The following SCFD2 variants were observed in gnomAD, a reference collection of about 807,000 sequenced individuals.
SCFD2 encodes sec1 family domain containing 2, also known as sec1 family domain-containing protein 2.
A neutral mutation model predicts 58.9 loss-of-function variants in SCFD2; 54 were observed. The ratio of observed to expected loss-of-function variants is 0.92; its 90% CI spans 0.74 to 1.15. The LOEUF (loss-of-function observed/expected upper bound fraction) is 1.15. Among genes scored for constraint, SCFD2 ranks in the 50% most tolerant of loss-of-function variants. The probability of loss-of-function intolerance (pLI) is 0.00; values close to 1 mark genes in which losing one functional copy is unlikely to be tolerated. For missense variants in SCFD2, 805 were observed against 836.6 expected, an observed-to-expected ratio of 0.96 and a Z score of 0.47; for synonymous variants, 321 against 335.9, an observed-to-expected ratio of 0.96 and a Z score of 0.49.
chr4:53,103,903 A>AG (rs1194615038), intron 5 of SCFD2, among the ~76,000 whole-genome samples: 1 of 149,444 alleles, frequency 6.7e-6, no homozygotes, highest in African/African-American at 2.5e-5. Flanking sequence ...GAGCTAAAAA[A>AG]AAAAAAAAAA....
intron 5 of SCFD2, among the ~76,000 whole-genome samples, chr4:53,009,136 C>T (rs1722042464): frequency 6.6e-6 from 1 of 152,220 alleles, no homozygotes; most frequent in African/African-American, 2.4e-5. Flanking sequence ...TATTAGTCCT[C>T]TCTCACTATC....
chr4:53,190,418 C>T (rs1174786273), intron 4 of SCFD2, among the ~76,000 whole-genome samples: 1 of 152,130 alleles, frequency 6.6e-6, no homozygotes, highest in Non-Finnish European at 1.5e-5. Flanking sequence ...ATCTCGGGAC[C>T]TTTGTTTTTG....
intron 5 of SCFD2, among the ~76,000 whole-genome samples, chr4:53,090,927 G>T (rs1187943590): frequency 6.6e-6 from 1 of 152,106 alleles, no homozygotes; most frequent in South Asian, 2.1e-4. Flanking sequence ...TTACGTCCAA[G>T]AATTGATAAC....
Position 53,311,930 on chromosome 4 carries a change from G to A in SCFD2, c.1135+1706C>T, listed in dbSNP as rs566610240. 3.3e-5 allele frequency among the ~76,000 whole-genome samples: 5 copies of A among 152,006 alleles called. 1 individual carries two copies. The South Asian group carries it at 6.2e-4, about 19-fold the overall frequency. ...ATTATAGTCGAGAGCCACTGCGTCCGGCCGATTCACAATATTAATTAGTTC... is the reference window on the plus strand; with the variant it reads ...ATTATAGTCGAGAGCCACTGCGTCCAGCCGATTCACAATATTAATTAGTTC... On this transcript the variant is annotated intron_variant, in intron 3 of 8. Transcript: ENST00000401642.
At chr4:52,951,510 G>A (rs1282828705) in intron 5 of SCFD2, among the ~76,000 whole-genome samples, 1 of 152,212 alleles carries the variant, frequency 6.6e-6, no homozygotes, top group East Asian at 1.9e-4. Context: ...TTGGAAAGCT[G>A]TAATCGACTC....
intron 1 of SCFD2, among the ~76,000 whole-genome samples, chr4:53,353,409 T>G (rs1047632751): frequency 7.9e-5 from 12 of 152,294 alleles, no homozygotes; most frequent in African/African-American, 2.9e-4. Flanking sequence ...CAATATTTAT[T>G]GCAGAGAGCA....
chr4:53,271,405 T>C (rs1731162197), intron 4 of SCFD2, among the ~76,000 whole-genome samples: 1 of 151,900 alleles, frequency 6.6e-6, no homozygotes, highest in Admixed American at 6.6e-5. Flanking sequence ...TGATGTGGTT[T>C]AAAGGAATGA....
intron 5 of SCFD2, among the ~76,000 whole-genome samples, chr4:53,098,742 GCA>G (rs1158628480): frequency 1.3e-5 from 2 of 151,748 alleles, no homozygotes; most frequent in Non-Finnish European, 2.9e-5. Context: ...ATGTGTGTGT[GCA>G]CACACATACA....
intron 4 of SCFD2, among the ~76,000 whole-genome samples, chr4:53,211,171 G>T (rs1219530294): frequency 6.6e-6 from 1 of 151,844 alleles, no homozygotes; most frequent in African/African-American, 2.4e-5. Context: ...TGAACCCGGG[G>T]GGCGGAGGTT....
At chr4:53,094,686 G>T (rs1487625835) in intron 5 of SCFD2, among the ~76,000 whole-genome samples, 1 of 151,674 alleles carries the variant, frequency 6.6e-6, no homozygotes, top group Non-Finnish European at 1.5e-5. Context: ...ATTTTCATCA[G>T]TGTACAATGT....
At chr4:53,348,873 C>T (rs1364484928) in intron 2 of SCFD2, among the ~76,000 whole-genome samples, 1 of 151,984 alleles carries the variant, frequency 6.6e-6, no homozygotes, top group Non-Finnish European at 1.5e-5. Context: ...CGCCACCATG[C>T]CTGGCTAATT....
chr4:53,258,575 T>TAC (rs1333861238), intron 4 of SCFD2, among the ~76,000 whole-genome samples: 32 of 135,804 alleles, frequency 2.4e-4, no homozygotes, highest in Admixed American at 5.1e-4. Flanking sequence ...TATATATATA[T>TAC]ATACACACAC....
intron 5 of SCFD2, among the ~76,000 whole-genome samples, chr4:53,118,474 CAGAAAAA>C (rs1377934571): frequency 6.6e-6 from 1 of 152,020 alleles, no homozygotes; most frequent in Non-Finnish European, 1.5e-5. Flanking sequence ...ATATTTGTAT[CAGAAAAA>C]AAGTATTTTG....
intron 4 of SCFD2, among the ~76,000 whole-genome samples, chr4:53,222,200 C>G (rs760251339): frequency 2.6e-5 from 4 of 152,180 alleles, no homozygotes; most frequent in Non-Finnish European, 4.4e-5. Flanking sequence ...AAATTTTAAT[C>G]ATGTTCTAAA....
chr4:53,250,076 C>A (rs1560411069), intron 4 of SCFD2, among the ~76,000 whole-genome samples: 2 of 152,230 alleles, frequency 1.3e-5, no homozygotes, highest in South Asian at 2.1e-4. Flanking sequence ...CAGAGACACA[C>A]ATAGGCTCAA....
chr4:52,898,623 T>A (rs1719092644), intron 7 of SCFD2, among the ~76,000 whole-genome samples: 1 of 152,244 alleles, frequency 6.6e-6, no homozygotes, highest in Non-Finnish European at 1.5e-5. Context: ...AAAGAATGCA[T>A]ATTCTGTTGA....
intron 5 of SCFD2, among the ~76,000 whole-genome samples, chr4:52,969,036 C>G (rs950404210): frequency 1.2e-4 from 19 of 152,206 alleles, no homozygotes; most frequent in African/African-American, 4.6e-4. Context: ...TTCTCACCCT[C>G]CACCATTCCC....
At chr4:52,951,048 C>T (rs1490630189) in intron 5 of SCFD2, 1 of 152,130 alleles carries the variant, frequency 6.6e-6, no homozygotes, top group Admixed American at 6.6e-5. Flanking sequence ...GTTATACACC[C>T]GAACATTTAT....
At chr4:53,108,763 G>C (rs1725079717) in intron 5 of SCFD2, among the ~76,000 whole-genome samples, 1 of 151,968 alleles carries the variant, frequency 6.6e-6, no homozygotes, top group African/African-American at 2.4e-5. Context: ...ACCAGACAGA[G>C]TCACAGCTGA....
Sources: gnomAD v4.1 joint callset for allele counts (sites outside exome capture counted in the v4.1 genomes callset) on GRCh38, gnomAD v4.1.1 for gene constraint, MANE v1.5 for transcripts, NCBI Gene and HGNC (gene_info 2026-07-23, HGNC 2026-07-21) for gene names.